SLC71A2: variants seen among roughly 807,000 people sequenced by gnomAD.
SLC71A2 encodes the protein solute carrier family 71 member 2.
the SLC71A2 span, among the ~76,000 whole-genome samples, chr9:94,448,706 C>T: frequency 1.4e-3 from 217 of 152,268 alleles, 1 homozygote; most frequent in Middle Eastern, 3.4e-3. Flanking sequence ...GATCTTGGCT[C>T]GCTGCAGCCT....
the SLC71A2 span, among the ~76,000 whole-genome samples, chr9:94,400,740 A>G: frequency 6.6e-6 from 1 of 152,182 alleles, no homozygotes. Context: ...AAAAGTTAAC[A>G]TGTACTGAGG....
At chr9:94,427,074 CT>C in the SLC71A2 span, among the ~76,000 whole-genome samples, 2 of 152,068 alleles carry the variant, frequency 1.3e-5, no homozygotes, top group African/African-American at 4.8e-5. Context: ...TTTAATACAC[CT>C]TTTATTATTA....
chr9:94,415,180 G>C, the SLC71A2 span: 1 of 1,613,862 alleles, frequency 6.2e-7, no homozygotes, highest in Non-Finnish European at 8.5e-7. Flanking sequence ...GGCCGACCAA[G>C]TGTGTACCAT....
At chr9:94,446,111 G>C in the SLC71A2 span, among the ~76,000 whole-genome samples, 77,244 of 152,026 alleles carry the variant, frequency 0.51, 19,821 homozygotes, top group Admixed American at 0.6. Flanking sequence ...CTGTTAATGT[G>C]TGTAAATTAA....
the SLC71A2 span, among the ~76,000 whole-genome samples, chr9:94,406,066 ATTT>A: frequency 1.6e-5 from 1 of 63,598 alleles, no homozygotes; most frequent in Admixed American, 2.7e-4. Flanking sequence ...TGCAACTTGA[ATTT>A]TTTTTTTTTT....
the SLC71A2 span, among the ~76,000 whole-genome samples, chr9:94,408,778 A>G: frequency 9.7e-5 from 14 of 143,906 alleles, no homozygotes; most frequent in South Asian, 2.2e-4. Context: ...CATTAAATCA[A>G]TTTTGGTTTT....
chr9:94,387,990 TTAG>T, the SLC71A2 span, among the ~76,000 whole-genome samples: 2 of 152,220 alleles, frequency 1.3e-5, no homozygotes, highest in Non-Finnish European at 1.5e-5. Flanking sequence ...ATTTTATATA[TTAG>T]TAGTTCTTTG....
At chr9:94,402,106 T>C in the SLC71A2 span, among the ~76,000 whole-genome samples, 1 of 152,214 alleles carries the variant, frequency 6.6e-6, no homozygotes, top group African/African-American at 2.4e-5. Context: ...TAACCTGCTT[T>C]ATCAGCAAGG....
the SLC71A2 span, chr9:94,429,325 T>C: frequency 1.3e-6 from 2 of 1,498,170 alleles, no homozygotes; most frequent in Non-Finnish European, 1.8e-6. Context: ...CTGGAAGTTT[T>C]AGTGGGACTT....
chr9:94,439,221 G>T, the SLC71A2 span, among the ~76,000 whole-genome samples: 4 of 151,954 alleles, frequency 2.6e-5, no homozygotes, highest in Non-Finnish European at 5.9e-5. Flanking sequence ...TATTGGTGAG[G>T]CTTCCCTTGA....
the SLC71A2 span, chr9:94,460,396 A>G: frequency 2.0e-5 from 3 of 152,748 alleles, no homozygotes; most frequent in African/African-American, 7.2e-5. Flanking sequence ...TGCTCTGAGT[A>G]TGCATTTGTT....
chr9:94,445,670 C>T, the SLC71A2 span, among the ~76,000 whole-genome samples: 5 of 152,076 alleles, frequency 3.3e-5, no homozygotes, highest in African/African-American at 9.7e-5. Flanking sequence ...TCCTTTTCCA[C>T]CCCCTTCTTT....
chr9:94,441,109 T>G, the SLC71A2 span: 1 of 1,416,916 alleles, frequency 7.1e-7, no homozygotes. Flanking sequence ...GGTAAGATAA[T>G]AGACTATATA....
At chr9:94,429,158 AT>A in the SLC71A2 span, 1 of 1,606,906 alleles carries the variant, frequency 6.2e-7, no homozygotes, top group Non-Finnish European at 8.5e-7. Flanking sequence ...TTAAATTTGA[AT>A]TTGTCTTGAT....
At chr9:94,400,381 T>C in the SLC71A2 span, among the ~76,000 whole-genome samples, 1 of 151,964 alleles carries the variant, frequency 6.6e-6, no homozygotes, top group South Asian at 2.1e-4. Flanking sequence ...GAGACAAATA[T>C]AAGTTTTAGG....
At chr9:94,427,751 G>A in the SLC71A2 span, among the ~76,000 whole-genome samples, 1 of 147,858 alleles carries the variant, frequency 6.8e-6, no homozygotes, top group African/African-American at 2.5e-5. Context: ...GGAGTCAGAG[G>A]AATGTCCATA....
At chr9:94,458,460 T>G in the SLC71A2 span, 1 of 1,613,690 alleles carries the variant, frequency 6.2e-7, no homozygotes. Context: ...AACGTTCCCC[T>G]GCAGGTAATT....
At chr9:94,453,858 G>GAATTAAAATACA in the SLC71A2 span, 1 of 781,470 alleles carries the variant, frequency 1.3e-6, no homozygotes, top group East Asian at 2.5e-5. Context: ...TGTGCCCTTA[G>GAATTAAAATACA]AGGTCTCTGG....
the SLC71A2 span, chr9:94,438,539 T>A: frequency 6.2e-7 from 1 of 1,606,386 alleles, no homozygotes. Context: ...GTGAGTGACT[T>A]GGCCCTTCAC....
Sources: gnomAD v4.1 joint callset for allele counts (sites outside exome capture counted in the v4.1 genomes callset) on GRCh38, gnomAD v4.1.1 for gene constraint, MANE v1.5 for transcripts, NCBI Gene and HGNC (gene_info 2026-07-23, HGNC 2026-07-21) for gene names.